The following MYRFL variants were observed in gnomAD, a reference collection of about 807,000 sequenced individuals.
MYRFL encodes the protein myelin regulatory factor-like protein.
Under a neutral mutation model 109.4 loss-of-function variants are expected in MYRFL, and 88 were observed. The ratio of observed to expected loss-of-function variants is 0.80; its 90% CI spans 0.68 to 0.96. The LOEUF is 0.96. Among genes scored for constraint, MYRFL ranks in the 40% least tolerant of loss-of-function variants. MYRFL has a pLI of 0.00. For missense variants in MYRFL, 957 were observed against 954.9 expected, an observed-to-expected ratio of 1.00 and a Z score of -0.03; for synonymous variants, 324 against 320.9, an observed-to-expected ratio of 1.01 and a Z score of -0.10.
intron 13 of MYRFL, among the ~76,000 whole-genome samples, chr12:69,921,355 A>G (rs1273344714): frequency 6.6e-6 from 1 of 152,168 alleles, no homozygotes; most frequent in Non-Finnish European, 1.5e-5. Flanking sequence ...TGAATCCAAG[A>G]TTCTACATGG....
At position 69,901,903 on chromosome 12, in the gene MYRFL, A is replaced by ATTT. The variant is rs1203678206; in HGVS notation, c.1183-1741_1183-1740insTTT. Among the ~76,000 whole-genome samples the ATTT allele has an allele frequency of 8.1e-3, 1,115 of 137,420 alleles. 14 individuals are homozygous for ATTT. Among genetic ancestry groups the ATTT allele is most frequent in the Middle Eastern group, 0.015 (4 of 260 alleles). 90.2% of individuals were successfully genotyped at this position (137,420 alleles called of 152,430 possible). A position where few individuals can be genotyped will look rare whatever the true frequency, so the allele number is the denominator to read the frequency against. On this transcript the variant is annotated intron_variant, in intron 10 of 24. Coordinates refer to ENST00000552032, the MANE Select transcript of MYRFL (RefSeq NM_182530.3). ...CTGCTGTTTTTTTTTGTTTTTTTTA[A>ATTT]ATTTTCTTGAGACAGAGTATTGCTC...
intron 13 of MYRFL, among the ~76,000 whole-genome samples, chr12:69,915,041 C>T (rs899635947): frequency 2.0e-5 from 3 of 152,188 alleles, no homozygotes; most frequent in Non-Finnish European, 4.4e-5. Flanking sequence ...ACCCTCAACA[C>T]GGTGGGCTAT....
chr12:69,951,347 T>C (rs1955970540), intron 19 of MYRFL, among the ~76,000 whole-genome samples: 1 of 151,912 alleles, frequency 6.6e-6, no homozygotes, highest in African/African-American at 2.4e-5. Context: ...CAGATGACTG[T>C]CAACTTGCTG....
At chr12:69,867,073 G>A (rs984804600) in intron 2 of MYRFL, among the ~76,000 whole-genome samples, 2 of 152,196 alleles carry the variant, frequency 1.3e-5, no homozygotes, top group African/African-American at 2.4e-5. Context: ...AACATGTGAA[G>A]GTTTGTGTAA....
Position 69,886,912 on chromosome 12 carries a change from T to C in MYRFL, c.649T>C (p.Trp217Arg). The C allele has an allele frequency of 6.5e-7, 1 of 1,535,898 alleles. No homozygotes were observed. The highest frequency in any genetic ancestry group is 8.7e-7 in the Non-Finnish European group (1 of 1,146,730). ...PTDQCSPALK[W>R]QPCHSVPWHS... ...AGACCAGTGCTCTCCTGCTCTGAAG[T>C]GGCAACCATGCCATAGTGTTCCTTG... The change falls in exon 6 of 25, where the codon TGG becomes CGG. Residue 217 changes from tryptophan to arginine, a missense_variant. Trp to Arg is a moderately radical substitution (Grantham distance 101). Coordinates refer to ENST00000552032, the MANE Select transcript of MYRFL (RefSeq NM_182530.3).
At chr12:69,835,498 A>T (rs1049905819) in intron 1 of MYRFL, among the ~76,000 whole-genome samples, 12 of 152,234 alleles carry the variant, frequency 7.9e-5, no homozygotes, top group Admixed American at 7.9e-4. Flanking sequence ...CTTAATTTGC[A>T]TAGCTATTTT....
intron 7 of MYRFL, among the ~76,000 whole-genome samples, chr12:69,893,496 A>G (rs1343086779): frequency 2.0e-5 from 3 of 152,210 alleles, no homozygotes; most frequent in African/African-American, 7.2e-5. Flanking sequence ...GCCATCTTCC[A>G]GCCCTCTCTG....
intron 1 of MYRFL, among the ~76,000 whole-genome samples, chr12:69,838,172 T>C (rs928706225): frequency 3.9e-5 from 6 of 152,150 alleles, no homozygotes; most frequent in African/African-American, 1.4e-4. Context: ...ATGAGCAGTT[T>C]TCTTGTCACA....
chr12:69,837,518 A>G (rs1409873188), intron 1 of MYRFL, among the ~76,000 whole-genome samples: 1 of 152,162 alleles, frequency 6.6e-6, no homozygotes, highest in African/African-American at 2.4e-5. Flanking sequence ...GCCATGAACC[A>G]GTAGTAGATT....
At chr12:69,905,623 G>T (rs1954330542) in intron 11 of MYRFL, among the ~76,000 whole-genome samples, 1 of 152,076 alleles carries the variant, frequency 6.6e-6, no homozygotes, top group Non-Finnish European at 1.5e-5. Flanking sequence ...ATTTTACCCA[G>T]GTTAAGAGAT....
chr12:69,833,015 C>A (rs184016983), intron 1 of MYRFL, among the ~76,000 whole-genome samples: 1 of 147,900 alleles, frequency 6.8e-6, no homozygotes, highest in Non-Finnish European at 1.5e-5. Context: ...GGACATTTTA[C>A]GTTTGAGATC....
chr12:69,845,921 C>T (rs142222298), intron 1 of MYRFL, among the ~76,000 whole-genome samples: 13 of 151,738 alleles, frequency 8.6e-5, no homozygotes, highest in Admixed American at 8.5e-4. Context: ...AAAGATAATA[C>T]CTGCATCATG....
At chr12:69,871,646 A>G (rs756879594) in intron 2 of MYRFL, among the ~76,000 whole-genome samples, 1 of 152,334 alleles carries the variant, frequency 6.6e-6, no homozygotes, top group East Asian at 1.9e-4. Context: ...ATTTTCTTAT[A>G]TCACATCTTA....
In MYRFL at chr12:69,958,266, G is replaced by A. The variant is rs755982776; in HGVS notation, c.2589G>A (p.Trp863Ter). Residue 863 changes from tryptophan to a stop codon, truncating the protein, a stop_gained, in exon 24 of 25, where the codon TGG (tryptophan) becomes TGA (stop). Coordinates refer to ENST00000552032, the MANE Select transcript of MYRFL (RefSeq NM_182530.3). LOFTEE classifies it high-confidence loss of function. Reference protein sequence around the residue: ...QEMTQGYQHIWSLPVAPFSDS... With the variant: ...QEMTQGYQHI ...CTATTTAGGGATATCAGCACATTTG[G>A]AGCCTCCCTGTAGCCCCATTTTCTG... is the stretch of plus-strand genomic sequence containing the variant. 34 of 1,536,134 alleles carry A rather than the reference G, an allele frequency of 2.2e-5. 1 individual carries two copies.
chr12:69,927,168 C>T (rs1475932392), intron 14 of MYRFL, among the ~76,000 whole-genome samples: 1 of 151,944 alleles, frequency 6.6e-6, no homozygotes, highest in African/African-American at 2.4e-5. Flanking sequence ...TGGTCTTGAA[C>T]TCCTGACCTC....
intron 16 of MYRFL, among the ~76,000 whole-genome samples, chr12:69,933,827 A>C (rs1955354106): frequency 6.6e-6 from 1 of 151,934 alleles, no homozygotes; most frequent in African/African-American, 2.4e-5. Flanking sequence ...AGTTATAAGA[A>C]GTCTAATTGT....
chr12:69,936,222 C>T, intron 17 of MYRFL, 35 bp downstream of exon 17: 1 of 1,530,870 alleles, frequency 6.5e-7, no homozygotes, highest in Admixed American at 2.0e-5. Context: ...GCCTAAAATT[C>T]CTTTGGAGAG....
intron 21 of MYRFL, among the ~76,000 whole-genome samples, chr12:69,954,051 G>A (rs1956045176): frequency 6.6e-6 from 1 of 152,060 alleles, no homozygotes. Flanking sequence ...CATGAAGTTG[G>A]TATAATGTAT....
At position 69,893,763 on chromosome 12, in the gene MYRFL, G is replaced by T. The variant is rs1449458740; in HGVS notation, c.904-1G>T. Reference sequence around the variant, plus strand: ...AGTTTACTTTTTGTTGTTTCATACAGGTGGAAGCTACCAATCAAATAATTG... The same window carrying T: ...AGTTTACTTTTTGTTGTTTCATACATGTGGAAGCTACCAATCAAATAATTG... On this transcript the variant is annotated splice_acceptor_variant, in intron 7 of 24. Coordinates refer to ENST00000552032, the MANE Select transcript of MYRFL (RefSeq NM_182530.3). LOFTEE classifies it high-confidence loss of function. The T allele has an allele frequency of 5.7e-6, 8 of 1,410,540 alleles. No individual in the cohort carries two copies. The highest frequency in any genetic ancestry group is 7.4e-6 in the Non-Finnish European group (8 of 1,082,424). The allele number at this position is 1,410,540 out of a possible 1,614,324, so 87.4% of individuals were successfully genotyped here.
Sources: gnomAD v4.1 joint callset for allele counts (sites outside exome capture counted in the v4.1 genomes callset) on GRCh38, gnomAD v4.1.1 for gene constraint, MANE v1.5 for transcripts, NCBI Gene and HGNC (gene_info 2026-07-23, HGNC 2026-07-21) for gene names.